MAST2: variants seen among roughly 807,000 people sequenced by gnomAD.
The protein encoded by MAST2 is microtubule associated serine/threonine kinase 2.
MAST2 carries 70 observed loss-of-function variants against 147.4 expected under a neutral mutation model. That is an observed-to-expected ratio of 0.47 (90% CI 0.39 to 0.58). The LOEUF (loss-of-function observed/expected upper bound fraction) is 0.58. Among genes scored for constraint, MAST2 ranks in the 20% least tolerant of loss-of-function variants. The probability of loss-of-function intolerance (pLI) is 0.00; values close to 1 mark genes in which losing one functional copy is unlikely to be tolerated. For synonymous variants in MAST2, 869 were observed against 896.8 expected (o/e 0.97, Z 0.55); for missense variants, 2,080 against 2,302.3 (o/e 0.90, Z 1.98).
chr1:45,954,334 C>T (rs183982251), intron 4 of MAST2, among the ~76,000 whole-genome samples: 16 of 152,216 alleles, frequency 1.1e-4, no homozygotes, highest in South Asian at 6.2e-4. Flanking sequence ...AGGCTAGAAA[C>T]GATCTACTAC....
intron 12 of MAST2, 93 bp from the exon 13 acceptor site, chr1:46,022,817 A>G (rs1646243555): frequency 1.1e-6 from 1 of 913,278 alleles, no homozygotes; most frequent in Non-Finnish European, 1.8e-6. Flanking sequence ...AGCATTAATG[A>G]CTACCCTACA....
In MAST2 at chr1:46,023,025, A is replaced by G. The variant is rs1405473661; in HGVS notation, c.1485+54A>G. On this transcript the variant is annotated intron_variant, in intron 13 of 28. Coordinates refer to ENST00000361297, the MANE Select transcript of MAST2 (RefSeq NM_015112.3). The surrounding 1 kb of genome is among the most constrained non-coding windows in gnomAD (Gnocchi z 4.9). Reference sequence around the variant, plus strand: ...CTGGAGCCTGGGCCCTATGAAGCAAAGAGCTATGAATTCTCTTTAAGAGAA... The same window carrying G: ...CTGGAGCCTGGGCCCTATGAAGCAAGGAGCTATGAATTCTCTTTAAGAGAA... The G allele has an allele frequency of 6.6e-7, 1 of 1,526,358 alleles. No individual in the cohort carries two copies. Among genetic ancestry groups the G allele is most frequent in the Non-Finnish European group, 9.1e-7 (1 of 1,102,738 alleles). The allele number at this position is 1,526,358 out of a possible 1,614,324, so 94.6% of individuals were successfully genotyped here.
At chr1:45,855,491 A>G (rs368801373) in intron 3 of MAST2, among the ~76,000 whole-genome samples, 5 of 151,666 alleles carry the variant, frequency 3.3e-5, no homozygotes, top group Non-Finnish European at 7.4e-5. Flanking sequence ...ATCTTTTTGT[A>G]TTTTCATGCT....
At chr1:46,019,497 C>G in intron 10 of MAST2, 99 bp from the exon 11 acceptor site, 1 of 907,152 alleles carries the variant, frequency 1.1e-6, no homozygotes, top group African/African-American at 1.6e-5. Context: ...CTCTATGCTA[C>G]CGAATTGTTT....
At chr1:45,900,915 C>T (rs1035869712) in intron 4 of MAST2, among the ~76,000 whole-genome samples, 3 of 151,948 alleles carry the variant, frequency 2.0e-5, no homozygotes, top group African/African-American at 7.3e-5. Context: ...TTGTTGGATG[C>T]GTAGTTGGCA....
chr1:45,818,572 A>G (rs964572199), intron 1 of MAST2, among the ~76,000 whole-genome samples: 1 of 152,204 alleles, frequency 6.6e-6, no homozygotes, highest in Non-Finnish European at 1.5e-5. Context: ...CAAATGCTGA[A>G]TGACTGTAGG....
At chr1:45,844,590 T>A (rs1385663122) in intron 3 of MAST2, among the ~76,000 whole-genome samples, 1 of 152,094 alleles carries the variant, frequency 6.6e-6, no homozygotes, top group African/African-American at 2.4e-5. Context: ...AGCTTAATTT[T>A]TATTTTTAAA....
intron 5 of MAST2, among the ~76,000 whole-genome samples, chr1:45,987,777 A>ATTTTTTTTTTTTTTTTTTTTTTTTGTTTT (rs1644700933): frequency 1.4e-4 from 3 of 21,780 alleles, no homozygotes; most frequent in African/African-American, 4.2e-4. Context: ...TTTTTTTTTG[A>ATTTTTTTTTTTTTTTTTTTTTTTTGTTTT]TTTTTTTTTT....
chr1:45,834,122 T>C (rs1472138835), intron 3 of MAST2, among the ~76,000 whole-genome samples: 1 of 152,178 alleles, frequency 6.6e-6, no homozygotes, highest in Non-Finnish European at 1.5e-5. Context: ...CGGCCGTCTA[T>C]AGTACATGGA....
At chr1:45,992,516 T>C (rs1644891177) in intron 5 of MAST2, among the ~76,000 whole-genome samples, 1 of 152,178 alleles carries the variant, frequency 6.6e-6, no homozygotes, top group Admixed American at 6.5e-5. Flanking sequence ...ATATCTTTAT[T>C]TGGTTTGGGT....
chr1:45,883,861 C>T (rs1235410971), intron 4 of MAST2, among the ~76,000 whole-genome samples: 1 of 116,498 alleles, frequency 8.6e-6, no homozygotes, highest in Non-Finnish European at 1.6e-5. Flanking sequence ...AGTAGCTTTT[C>T]AGCATCATAG....
chr1:45,962,707 C>T (rs1052247720), intron 5 of MAST2, among the ~76,000 whole-genome samples: 3 of 152,086 alleles, frequency 2.0e-5, no homozygotes, highest in African/African-American at 7.2e-5. Flanking sequence ...AAAATTTTCT[C>T]CCATTCTATA....
intron 3 of MAST2, among the ~76,000 whole-genome samples, chr1:45,834,149 C>T (rs998351173): frequency 6.6e-5 from 10 of 152,052 alleles, no homozygotes; most frequent in African/African-American, 2.4e-4. Context: ...CTCCAAAGAA[C>T]TTTTGGGTTA....
chr1:45,803,616 G>A lies in MAST2; in HGVS notation c.-280G>A. 1 of 210,486 alleles carries A rather than the reference G, an allele frequency of 4.8e-6. No individual in the cohort carries two copies. Among genetic ancestry groups the A allele is most frequent in the Non-Finnish European group, 9.3e-6 (1 of 107,014 alleles). The allele number at this position is 210,486 out of a possible 1,614,324, so 13.0% of individuals were successfully genotyped here. On this transcript the variant is annotated 5_prime_UTR_variant, in exon 1 of 29. Coordinates refer to ENST00000361297, the MANE Select transcript of MAST2 (RefSeq NM_015112.3). The stretch of plus-strand genomic sequence containing the variant: ...GGGGCCGGCCGAAGGCTGGCTGTAG[G>A]CAGGCGGCTGAGCCGGCGGCGGGTG...
chr1:46,025,583 T>TCTCCTCTGGGACCTCAGAAACTGC (rs1553132753), intron 15 of MAST2, 94 bp from the exon 16 acceptor site: 7 of 1,455,320 alleles, frequency 4.8e-6, no homozygotes, highest in African/African-American at 1.4e-5. Flanking sequence ...CATGAAGCTG[T>TCTCCTCTGGGACCTCAGAAACTGC]CTCCTCTGGG....
intron 4 of MAST2, among the ~76,000 whole-genome samples, chr1:45,945,865 A>G (rs1657950382): frequency 6.6e-6 from 1 of 152,188 alleles, no homozygotes; most frequent in Admixed American, 6.5e-5. Flanking sequence ...AATATACCAC[A>G]ACTTCCCAGA....
chr1:45,812,299 C>CA (rs1352181635), intron 1 of MAST2, among the ~76,000 whole-genome samples: 1 of 152,000 alleles, frequency 6.6e-6, no homozygotes, highest in Non-Finnish European at 1.5e-5. Flanking sequence ...GTACTGGGAG[C>CA]AGAGAGTCTA....
At chr1:46,025,846 G>T (rs1279270017) in intron 16 of MAST2, 31 bp downstream of exon 16, 1 of 1,613,780 alleles carries the variant, frequency 6.2e-7, no homozygotes. Context: ...CCTTGTCCAG[G>T]GTCTCCCTCT....
chr1:45,920,086 A>T (rs1306722417), intron 4 of MAST2, among the ~76,000 whole-genome samples: 3 of 152,144 alleles, frequency 2.0e-5, no homozygotes, highest in Non-Finnish European at 4.4e-5. Flanking sequence ...CAATACTTTG[A>T]GTACTCTATT....
Sources: allele counts gnomAD v4.1 joint callset (sites outside exome capture counted in the v4.1 genomes callset), GRCh38; gene constraint gnomAD v4.1.1; non-coding constraint Gnocchi (gnomAD v3.1); transcripts MANE v1.5; gene names NCBI Gene and HGNC (gene_info 2026-07-23, HGNC 2026-07-21).